ELAVL3: variants seen among roughly 807,000 people sequenced by gnomAD.
ELAVL3 encodes ELAV-like protein 3.
Under a neutral mutation model 34.2 loss-of-function variants are expected in ELAVL3, and 8 were observed. The ratio of observed to expected loss-of-function variants is 0.23; its 90% CI spans 0.14 to 0.42. The LOEUF (loss-of-function observed/expected upper bound fraction) is 0.42, where lower values mean the gene tolerates loss of function less well. ELAVL3 is among the 10% of genes least tolerant of loss of function. ELAVL3 has a pLI of 1.00. For synonymous variants in ELAVL3, 209 were observed against 222.1 expected, an observed-to-expected ratio of 0.94 and a Z score of 0.53; for missense variants, 273 against 518.8, an observed-to-expected ratio of 0.53 and a Z score of 4.60.
chr19:11,475,432 G>A (rs1316237369), intron 1 of ELAVL3, among the ~76,000 whole-genome samples: 1 of 152,022 alleles, frequency 6.6e-6, no homozygotes, highest in East Asian at 1.9e-4. Flanking sequence ...AGCCTCCCCA[G>A]TAGCTAGGAC....
chr19:11,461,425 C>G (rs147531764), intron 3 of ELAVL3, among the ~76,000 whole-genome samples: 271 of 152,128 alleles, frequency 1.8e-3, no homozygotes, highest in African/African-American at 6.2e-3. Context: ...ATCAGCAATT[C>G]TCCCCCTTAT....
At chr19:11,470,736 G>T (rs1392575085) in intron 1 of ELAVL3, among the ~76,000 whole-genome samples, 2 of 152,126 alleles carry the variant, frequency 1.3e-5, no homozygotes, top group African/African-American at 4.8e-5. Context: ...ATGATAGATG[G>T]AGAATCTGAG....
At chr19:11,464,950 ACCACACACACG>A (rs1568382701) in intron 3 of ELAVL3, among the ~76,000 whole-genome samples, 3 of 130,230 alleles carry the variant, frequency 2.3e-5, no homozygotes, top group African/African-American at 9.2e-5. Flanking sequence ...CACCACACAC[ACCACACACACG>A]CACCAGACAC....
In ELAVL3 at chr19:11,480,475, C is replaced by G; in HGVS notation, c.9+125G>C. 1 of 1,080,674 alleles carries G rather than the reference C, an allele frequency of 9.3e-7. No individual in the cohort carries two copies. The highest frequency in any genetic ancestry group is 1.2e-6 in the Non-Finnish European group (1 of 808,414). 66.9% of individuals were successfully genotyped at this position (1,080,674 alleles called of 1,614,324 possible). A position where few individuals can be genotyped will look rare whatever the true frequency, so the allele number is the denominator to read the frequency against. ...TCTCAGGCCCCGAGGCTTGGTCCTA[C>G]CCCCCCAACCCGGGCCTAGCTAGGC... On this transcript the variant is annotated intron_variant, in intron 1 of 6. Coordinates refer to ENST00000359227, the MANE Select transcript of ELAVL3 (RefSeq NM_001420.4). The surrounding 1 kb of genome is among the most constrained non-coding windows in gnomAD (Gnocchi z 6.8).
At position 11,454,332 on chromosome 19, in the gene ELAVL3, A is replaced by AC. The variant is rs1414187647; in HGVS notation, c.*193dup. ...AGGATGGGGCGGGGGATCCCCGGGC[A>AC]CCCCCCCAATTCCCTGCAGACCCTC... On this transcript the variant is annotated 3_prime_UTR_variant, in exon 7 of 7. Coordinates refer to ENST00000359227, the MANE Select transcript of ELAVL3 (RefSeq NM_001420.4). The surrounding 1 kb of genome is among the most constrained non-coding windows in gnomAD (Gnocchi z 9.2). 4.3e-5 allele frequency: 25 copies of AC among 584,186 alleles called. No individual in the cohort carries two copies. Among genetic ancestry groups the AC allele is most frequent in the Admixed American group, 6.2e-5 (2 of 32,040 alleles). 36.2% of individuals were successfully genotyped at this position (584,186 alleles called of 1,614,324 possible). A position where few individuals can be genotyped will look rare whatever the true frequency, so the allele number is the denominator to read the frequency against.
chr19:11,465,157 A>T (rs1441352969), intron 3 of ELAVL3, among the ~76,000 whole-genome samples: 1 of 147,882 alleles, frequency 6.8e-6, no homozygotes, highest in Non-Finnish European at 1.5e-5. Flanking sequence ...CACACCACAC[A>T]CATACACATA....
intron 1 of ELAVL3, among the ~76,000 whole-genome samples, chr19:11,468,413 ATT>A (rs761406195): frequency 2.5e-4 from 32 of 128,772 alleles, no homozygotes; most frequent in Admixed American, 3.9e-4. Flanking sequence ...TTTATTCCTG[ATT>A]TTTTTTTTTT....
intron 1 of ELAVL3, among the ~76,000 whole-genome samples, chr19:11,470,585 G>A (rs1971144642): frequency 6.6e-6 from 1 of 152,008 alleles, no homozygotes; most frequent in Non-Finnish European, 1.5e-5. Context: ...GCTGAGGCAG[G>A]AGAATCGCTT....
At chr19:11,472,393 TAAG>T (rs1389278850) in intron 1 of ELAVL3, among the ~76,000 whole-genome samples, 4 of 151,738 alleles carry the variant, frequency 2.6e-5, no homozygotes, top group Non-Finnish European at 5.9e-5. Flanking sequence ...AGGAATGAAT[TAAG>T]AAGAATTCAG....
At chr19:11,459,119 T>C (rs311783) in intron 3 of ELAVL3, among the ~76,000 whole-genome samples, 3 of 149,172 alleles carry the variant, frequency 2.0e-5, no homozygotes, top group African/African-American at 5.1e-5. Context: ...GACCAGCATT[T>C]TTTTTTTCTT....
At chr19:11,473,905 G>A (rs1350838647) in intron 1 of ELAVL3, among the ~76,000 whole-genome samples, 1 of 152,146 alleles carries the variant, frequency 6.6e-6, no homozygotes, top group African/African-American at 2.4e-5. Context: ...ACTGGCCTGG[G>A]GTAGTAGCTA....
At chr19:11,455,630 G>A (rs530131952) in intron 6 of ELAVL3, among the ~76,000 whole-genome samples, 2 of 150,156 alleles carry the variant, frequency 1.3e-5, no homozygotes, top group South Asian at 4.2e-4. Context: ...GTGGGGTCTC[G>A]CTGCGTTAGC....
intron 1 of ELAVL3, among the ~76,000 whole-genome samples, chr19:11,479,699 G>T (rs888536350): frequency 1.2e-4 from 18 of 151,602 alleles, no homozygotes; most frequent in Non-Finnish European, 2.7e-4. Context: ...GCAGGGCGTG[G>T]CAGGGCGGGA....
At chr19:11,460,933 A>G (rs1451809867) in intron 3 of ELAVL3, among the ~76,000 whole-genome samples, 1 of 151,144 alleles carries the variant, frequency 6.6e-6, no homozygotes, top group Non-Finnish European at 1.5e-5. Flanking sequence ...AGGAGGATCA[A>G]GGGAGCCCAG....
rs376010153 is a variant in ELAVL3, at chr19:11,465,603, G to A, written c.333+569C>T. On this transcript the variant is annotated intron_variant, in intron 3 of 6. Transcript: ENST00000359227. ...CAGATGGGCCACCCCCCCGACCCTG[G>A]CTTCCTCCAGGGTCCGGGAGCAGAT... Among the ~76,000 whole-genome samples, 1,116 of 151,180 alleles carry A rather than the reference G, an allele frequency of 7.4e-3. 16 individuals carry two copies. The highest frequency in any genetic ancestry group is 0.026 in the African/African-American group (1,055 of 40,990).
In ELAVL3 at chr19:11,463,964, G is replaced by A. The variant is rs548842951; in HGVS notation, c.333+2208C>T. 2.0e-3 allele frequency among the ~76,000 whole-genome samples: 297 copies of A among 149,186 alleles called. 1 individual carries two copies. Among genetic ancestry groups the A allele is most frequent in the Non-Finnish European group, 3.6e-3 (241 of 67,442 alleles). ...AGCCTGGGCAAGAGAGGGAGACTCT[G>A]TCTCAAAAAAAACCCCAAAAAATCA... On this transcript the variant is annotated intron_variant, in intron 3 of 6. Coordinates refer to ENST00000359227, the MANE Select transcript of ELAVL3 (RefSeq NM_001420.4).
At chr19:11,464,189 G>T (rs1380345867) in intron 3 of ELAVL3, among the ~76,000 whole-genome samples, 2 of 132,834 alleles carry the variant, frequency 1.5e-5, no homozygotes, top group East Asian at 2.1e-4. Context: ...TTTAGACAGG[G>T]TCTTGCTCTG....
rs925424662 is a variant in ELAVL3 at position 11,454,449 on chromosome 19, T to TTC, written c.*75_*76dup. On this transcript the variant is annotated 3_prime_UTR_variant, in exon 7 of 7. Coordinates refer to ENST00000359227, the MANE Select transcript of ELAVL3 (RefSeq NM_001420.4). This position sits in a 1 kb window ranked among gnomAD's most constrained non-coding sequence, Gnocchi z 9.2. ...GCCTGTGCTGTCTCTCTTGGGCCCC[T>TTC]TCTCTCTCTCTCTCTCTCTTTCTCT... The TTC allele has an allele frequency of 2.5e-3, 2,621 of 1,044,324 alleles. 9 individuals are homozygous for TTC. Among genetic ancestry groups the TTC allele is most frequent in the African/African-American group, 0.024 (1,434 of 60,442 alleles). 64.7% of individuals were successfully genotyped at this position (1,044,324 alleles called of 1,614,324 possible).
At chr19:11,464,123 G>GTCTCTCTCTCTCTGTCTCTCTC (rs1970951848) in intron 3 of ELAVL3, among the ~76,000 whole-genome samples, 14 of 110,946 alleles carry the variant, frequency 1.3e-4, no homozygotes, top group African/African-American at 4.8e-4. Context: ...GTCTCTCTCT[G>GTCTCTCTCTCTCTGTCTCTCTC]TCTCTCTCTC....
Sources: gnomAD v4.1 joint callset for allele counts (sites outside exome capture counted in the v4.1 genomes callset) on GRCh38, gnomAD v4.1.1 for gene constraint, Gnocchi (gnomAD v3.1) non-coding constraint, MANE v1.5 for transcripts, NCBI Gene and HGNC (gene_info 2026-07-23, HGNC 2026-07-21) for gene names.